The following ADGRV1 variants were observed in gnomAD, a reference collection of about 807,000 sequenced individuals.
The protein encoded by ADGRV1 is adhesion G protein-coupled receptor V1.
A neutral mutation model predicts 596.2 loss-of-function variants in ADGRV1; 359 were observed. The ratio of observed to expected loss-of-function variants is 0.60; its 90% CI spans 0.55 to 0.66. ADGRV1 has a LOEUF of 0.66. ADGRV1 is among the 30% of genes least tolerant of loss of function. ADGRV1 has a pLI of 0.00. For synonymous variants in ADGRV1, 2,681 were observed against 2,679.2 expected (o/e 1.00, Z -0.02); for missense variants, 7,274 against 7,575.6 (o/e 0.96, Z 1.48).
chr5:90,690,540 G>A (rs1746330666), intron 30 of ADGRV1, among the ~76,000 whole-genome samples: 1 of 152,092 alleles, frequency 6.6e-6, no homozygotes, highest in Non-Finnish European at 1.5e-5. Context: ...GTGCTCACTG[G>A]ACCTGTCACT....
At chr5:90,672,489 ATT>A in intron 21 of ADGRV1, 55 bp from the exon 22 acceptor site, 1 of 1,375,556 alleles carries the variant, frequency 7.3e-7, no homozygotes, top group South Asian at 1.3e-5. Context: ...AAGCATTGTA[ATT>A]TTGTCACTGA....
intron 67 of ADGRV1, among the ~76,000 whole-genome samples, chr5:90,784,699 C>G (rs1561725160): frequency 6.6e-6 from 1 of 151,884 alleles, no homozygotes; most frequent in East Asian, 1.9e-4. Context: ...CCAGAGGGCC[C>G]AATAGATGTT....
chr5:91,016,562 T>C (rs1431903172), intron 85 of ADGRV1, among the ~76,000 whole-genome samples: 1 of 151,960 alleles, frequency 6.6e-6, no homozygotes, highest in African/African-American at 2.4e-5. Context: ...GCATCATTAG[T>C]AGAAGAAACA....
rs780295170 is a variant in ADGRV1 at position 90,637,813 on chromosome 5, T to G, written c.2105T>G (p.Val702Gly). 1.9e-6 allele frequency: 3 copies of G among 1,613,566 alleles called. No individual in the cohort carries two copies. The African/African-American group carries it at 4.0e-5, about 22-fold the overall frequency. ...LKPSGFNSKA[V>G]TPDDIGPFNG... is the part of the protein sequence containing the mutation. ...CCCTCTGGCTTTAATTCAAAAGCAG[T>G]GACCCCGGATGATATAGGCCCCTTT... The change falls in exon 11 of 90, where the codon GTG becomes GGG. Residue 702 changes from valine (V) to glycine (G), a missense_variant. Val to Gly is a moderately radical substitution (Grantham distance 109). This residue lies in a region of ADGRV1 where 1,715 missense variants were observed against 1,708.8 expected (regional missense o/e 1.00). Coordinates refer to ENST00000405460, the MANE Select transcript of ADGRV1 (RefSeq NM_032119.4).
chr5:90,569,388 T>TATATATATA (rs1554048594), intron 1 of ADGRV1, among the ~76,000 whole-genome samples: 2 of 18,824 alleles, frequency 1.1e-4, no homozygotes, highest in African/African-American at 2.3e-4. Flanking sequence ...TATATATATA[T>TATATATATA]TTTTTTTTTT....
intron 56 of ADGRV1, 47 bp downstream of exon 56, chr5:90,756,677 T>C: frequency 6.7e-7 from 1 of 1,485,556 alleles, no homozygotes; most frequent in Admixed American, 1.8e-5. Flanking sequence ...GGCCTCTCCC[T>C]GCTGATTTGG....
At chr5:90,771,984 G>T (rs1757742166) in intron 59 of ADGRV1, among the ~76,000 whole-genome samples, 1 of 152,114 alleles carries the variant, frequency 6.6e-6, no homozygotes, top group African/African-American at 2.4e-5. Context: ...ACCATTGGCT[G>T]GGATTTTCCA....
chr5:91,015,993 T>C (rs2151167164), intron 85 of ADGRV1, among the ~76,000 whole-genome samples: 1 of 152,062 alleles, frequency 6.6e-6, no homozygotes. Flanking sequence ...GTGTTTTGTA[T>C]TAGCTGGTAA....
chr5:90,997,661 A>G (rs745788494), intron 85 of ADGRV1, among the ~76,000 whole-genome samples: 5 of 152,222 alleles, frequency 3.3e-5, no homozygotes, highest in Non-Finnish European at 5.9e-5. Context: ...ATCTTAAGAT[A>G]TGCCTCTAAA....
chr5:90,815,846 C>T (rs1287259724), intron 75 of ADGRV1, 110 bp downstream of exon 75: 4 of 642,992 alleles, frequency 6.2e-6, no homozygotes, highest in Non-Finnish European at 1.1e-5. Context: ...GAGGTAGTGT[C>T]GAATTTGGCA....
chr5:90,960,090 G>T (rs537886511), intron 83 of ADGRV1, among the ~76,000 whole-genome samples: 1 of 147,926 alleles, frequency 6.8e-6, no homozygotes, highest in East Asian at 2.0e-4. Context: ...AGTGAGCCGA[G>T]ATCGCGCCAC....
At chr5:90,595,135 C>T (rs1286700420) in intron 1 of ADGRV1, among the ~76,000 whole-genome samples, 11 of 125,242 alleles carry the variant, frequency 8.8e-5, no homozygotes, top group East Asian at 2.3e-4. Context: ...ACCTCCCTCC[C>T]GGACGGGGCG....
At chr5:90,936,187 TGG>T (rs1581569683) in intron 83 of ADGRV1, among the ~76,000 whole-genome samples, 4 of 152,296 alleles carry the variant, frequency 2.6e-5, no homozygotes, top group Admixed American at 2.0e-4. Context: ...TGATTTCTTC[TGG>T]GCCAAGACAT....
intron 84 of ADGRV1, among the ~76,000 whole-genome samples, chr5:90,971,505 C>A (rs878991513): frequency 2.0e-5 from 3 of 152,086 alleles, no homozygotes; most frequent in Admixed American, 6.6e-5. Flanking sequence ...CAGATCTCTC[C>A]GCAGAAACTC....
intron 1 of ADGRV1, among the ~76,000 whole-genome samples, chr5:90,561,441 G>A (rs1428468392): frequency 1.3e-5 from 2 of 152,034 alleles, no homozygotes; most frequent in Admixed American, 1.3e-4. Flanking sequence ...GGTAAACTTG[G>A]TTATTAATTG....
chr5:90,595,157 G>C (rs1472404044), intron 1 of ADGRV1, among the ~76,000 whole-genome samples: 14 of 99,844 alleles, frequency 1.4e-4, no homozygotes, highest in Admixed American at 3.4e-4. Context: ...CTGGCCGGGT[G>C]GGGGGCTGAC....
At chr5:90,999,896 T>C (rs1309445736) in intron 85 of ADGRV1, among the ~76,000 whole-genome samples, 1 of 152,150 alleles carries the variant, frequency 6.6e-6, no homozygotes, top group Non-Finnish European at 1.5e-5. Context: ...AAACCATTCC[T>C]GGCTCAAAAG....
At chr5:90,689,202 G>A (rs1159975836) in intron 29 of ADGRV1, among the ~76,000 whole-genome samples, 1 of 151,910 alleles carries the variant, frequency 6.6e-6, no homozygotes. Context: ...GGTGTAGGCT[G>A]GGGTAGCTCC....
At chr5:90,847,974 C>T (rs1337985464) in intron 78 of ADGRV1, among the ~76,000 whole-genome samples, 1 of 152,182 alleles carries the variant, frequency 6.6e-6, no homozygotes, top group Non-Finnish European at 1.5e-5. Context: ...GAGGAGGCAC[C>T]GAGAGTGAGC....
Sources: allele counts gnomAD v4.1 joint callset (sites outside exome capture counted in the v4.1 genomes callset), GRCh38; gene constraint gnomAD v4.1.1; regional missense constraint gnomAD v4.1.1; transcripts MANE v1.5; gene names NCBI Gene and HGNC (gene_info 2026-07-23, HGNC 2026-07-21).